Variants in EYS observed in about 807,000 individuals in gnomAD.
EYS encodes the protein EGF-like photoreceptor maintenance factor, also known as protein eyes shut homolog.
A neutral mutation model predicts 282.1 loss-of-function variants in EYS; 250 were observed. The ratio of observed to expected loss-of-function variants is 0.89; its 90% CI spans 0.80 to 0.98. The LOEUF (loss-of-function observed/expected upper bound fraction) is 0.98. Ranked by LOEUF, EYS falls within the 50% of genes least tolerant of loss-of-function variation. The pLI, the probability that EYS is intolerant of heterozygous loss-of-function variation, is 0.00. For synonymous variants in EYS, 1,355 were observed against 1,282.9 expected, an observed-to-expected ratio of 1.06 and a Z score of -1.20; for missense variants, 4,016 against 3,709.0, an observed-to-expected ratio of 1.08 and a Z score of -2.15.
chr6:65,262,355 G>A (rs1349408446), intron 12 of EYS, among the ~76,000 whole-genome samples: 1 of 152,000 alleles, frequency 6.6e-6, no homozygotes, highest in Non-Finnish European at 1.5e-5. Flanking sequence ...AAGACTTAAT[G>A]TATAATTGAA....
At position 65,294,824 on chromosome 6, in the gene EYS, T is replaced by C. The variant is rs994528749; in HGVS notation, c.2023+1039A>G. ...AAGACAGACACCTATATTTTAACAA[T>C]GCTAGCACATTTATGCAATTTTATT... On this transcript the variant is annotated intron_variant, in intron 12 of 42. Coordinates refer to ENST00000503581, the MANE Select transcript of EYS (RefSeq NM_001142800.2). 3.3e-5 allele frequency among the ~76,000 whole-genome samples: 5 copies of C among 151,954 alleles called. 1 individual carries two copies. Among genetic ancestry groups the C allele is most frequent in the Admixed American group, 1.3e-4 (2 of 15,228 alleles).
chr6:64,667,250 C>T (rs554418921), intron 22 of EYS, among the ~76,000 whole-genome samples: 2 of 150,500 alleles, frequency 1.3e-5, no homozygotes, highest in South Asian at 4.2e-4. Context: ...TTATTGGTAT[C>T]TAAGTTTTTA....
intron 26 of EYS, among the ~76,000 whole-genome samples, chr6:64,489,028 T>C (rs1299623938): frequency 6.6e-6 from 1 of 150,902 alleles, no homozygotes; most frequent in Non-Finnish European, 1.5e-5. Flanking sequence ...CATTATGTTA[T>C]GGTAATGCTT....
chr6:65,590,017 C>T (rs538728088), intron 2 of EYS, among the ~76,000 whole-genome samples: 15 of 151,926 alleles, frequency 9.9e-5, no homozygotes, highest in Non-Finnish European at 1.8e-4. Context: ...ACGCGTTGGA[C>T]ATTTTTAAAG....
At chr6:65,471,228 A>AT (rs1765202124) in intron 5 of EYS, among the ~76,000 whole-genome samples, 1 of 117,024 alleles carries the variant, frequency 8.5e-6, no homozygotes, top group Non-Finnish European at 1.8e-5. Flanking sequence ...CCTCATCTTT[A>AT]CAAAAAAAAA....
intron 41 of EYS, among the ~76,000 whole-genome samples, chr6:63,753,464 A>C (rs1021814056): frequency 6.6e-6 from 1 of 152,096 alleles, no homozygotes; most frequent in East Asian, 1.9e-4. Flanking sequence ...CTAGATTTTA[A>C]AAAAAATCTT....
At chr6:65,640,461 T>C (rs537354434) in intron 1 of EYS, among the ~76,000 whole-genome samples, 5 of 152,266 alleles carry the variant, frequency 3.3e-5, no homozygotes, top group African/African-American at 1.2e-4. Flanking sequence ...ACATAGGCTA[T>C]CCGTGAAATA....
chr6:64,822,583 G>A lies in EYS; in HGVS notation c.3164+68C>T, dbSNP rs566400670. 27 of 1,233,218 alleles carry A rather than the reference G, an allele frequency of 2.2e-5. 1 individual carries two copies. In the South Asian group the frequency reaches 3.7e-4, roughly 17 times the overall value. The allele number at this position is 1,233,218 out of a possible 1,614,324, so 76.4% of individuals were successfully genotyped here. A position where few individuals can be genotyped will look rare whatever the true frequency, so the allele number is the denominator to read the frequency against. ...AAATTATCTTTATCAACTTTCCCTT[G>A]ATGTTAAGTCTTAAATATTGTGAGT... On this transcript the variant is annotated intron_variant, in intron 20 of 42. Transcript: ENST00000503581.
At chr6:63,765,066 GAAGT>G (rs1231883947) in intron 40 of EYS, among the ~76,000 whole-genome samples, 1 of 150,190 alleles carries the variant, frequency 6.7e-6, no homozygotes, top group Admixed American at 6.6e-5. Flanking sequence ...AGATTTTGTA[GAAGT>G]ATGTGTGTGA....
At chr6:63,945,553 A>C (rs1765372192) in intron 35 of EYS, among the ~76,000 whole-genome samples, 1 of 152,150 alleles carries the variant, frequency 6.6e-6, no homozygotes, top group Non-Finnish European at 1.5e-5. Flanking sequence ...GATCCTCCAC[A>C]CCCTCACCAC....
chr6:64,484,339 C>T (rs1246411048), intron 26 of EYS, among the ~76,000 whole-genome samples: 1 of 151,470 alleles, frequency 6.6e-6, no homozygotes, highest in Non-Finnish European at 1.5e-5. Flanking sequence ...AGAGACTGCA[C>T]CTCAGCAAAG....
At chr6:64,996,412 G>A (rs9345582) in intron 14 of EYS, among the ~76,000 whole-genome samples, 10,309 of 152,124 alleles carry the variant, frequency 0.068, 444 homozygotes, top group East Asian at 0.13. Flanking sequence ...GAGAGGTCAC[G>A]CATACTTTTC....
chr6:63,748,969 G>A (rs1397851601), intron 41 of EYS, among the ~76,000 whole-genome samples: 1 of 151,622 alleles, frequency 6.6e-6, no homozygotes, highest in Non-Finnish European at 1.5e-5. Flanking sequence ...ATGATTTTTT[G>A]TGTCTCAATC....
chr6:65,024,031 T>C (rs762376642), intron 13 of EYS, among the ~76,000 whole-genome samples: 2 of 152,184 alleles, frequency 1.3e-5, no homozygotes, highest in Non-Finnish European at 2.9e-5. Context: ...GCCCTCTTCT[T>C]TAAAGCAAGA....
Position 64,585,912 on chromosome 6 carries a change from A to T in EYS, c.5644+4311T>A, listed in dbSNP as rs543586865. On this transcript the variant is annotated intron_variant, in intron 26 of 42. Coordinates refer to ENST00000503581, the MANE Select transcript of EYS (RefSeq NM_001142800.2). Reference sequence around the variant, plus strand: ...GTAACATTAACAGCCTACATTTCTGAGTGCTCAAATTAATATATCACATGT... The same window carrying T: ...GTAACATTAACAGCCTACATTTCTGTGTGCTCAAATTAATATATCACATGT... 2.1e-4 allele frequency among the ~76,000 whole-genome samples: 32 copies of T among 152,206 alleles called. No homozygotes were observed. The South Asian group carries it at 5.8e-3, about 28-fold the overall frequency.
intron 31 of EYS, among the ~76,000 whole-genome samples, chr6:64,183,899 T>A (rs1388389235): frequency 1.3e-5 from 2 of 152,238 alleles, no homozygotes; most frequent in East Asian, 3.9e-4. Flanking sequence ...GAGAAAACAC[T>A]TCTTTTCTTT....
chr6:65,557,990 TG>T (rs1768885091), intron 2 of EYS, among the ~76,000 whole-genome samples: 1 of 152,070 alleles, frequency 6.6e-6, no homozygotes, highest in Non-Finnish European at 1.5e-5. Flanking sequence ...TGGGTGGCCA[TG>T]GGAGGACCTG....
At chr6:65,500,264 T>G (rs2127276450) in intron 2 of EYS, among the ~76,000 whole-genome samples, 1 of 152,082 alleles carries the variant, frequency 6.6e-6, no homozygotes, top group South Asian at 2.1e-4. Context: ...ACAAAGCGGC[T>G]GAGGCAAAAG....
At chr6:64,947,379 G>T (rs987762767) in intron 14 of EYS, among the ~76,000 whole-genome samples, 1 of 151,832 alleles carries the variant, frequency 6.6e-6, no homozygotes, top group Non-Finnish European at 1.5e-5. Context: ...GTTCTACTCA[G>T]TACTGTGCTT....
Sources: gnomAD v4.1 joint callset for allele counts (sites outside exome capture counted in the v4.1 genomes callset) on GRCh38, gnomAD v4.1.1 for gene constraint, MANE v1.5 for transcripts, NCBI Gene and HGNC (gene_info 2026-07-23, HGNC 2026-07-21) for gene names.